MCC: variants seen among roughly 807,000 people sequenced by gnomAD.
MCC encodes the protein MCC regulator of Wnt signaling pathway.
A neutral mutation model predicts 116.2 loss-of-function variants in MCC; 90 were observed. That is an observed-to-expected ratio of 0.77 (90% confidence interval 0.65 to 0.92). MCC has a LOEUF of 0.92. Among genes scored for constraint, MCC ranks in the 40% least tolerant of loss-of-function variants. The probability of loss-of-function intolerance (pLI) is 0.00; values close to 1 mark genes in which losing one functional copy is unlikely to be tolerated. For missense variants in MCC, 1,516 were observed against 1,312.2 expected, an observed-to-expected ratio of 1.16 and a Z score of -2.40; for synonymous variants, 578 against 510.5, an observed-to-expected ratio of 1.13 and a Z score of -1.78.
chr5:113,188,298 A>G (rs1761999432), intron 3 of MCC, among the ~76,000 whole-genome samples: 1 of 152,176 alleles, frequency 6.6e-6, no homozygotes, highest in Non-Finnish European at 1.5e-5. Flanking sequence ...GTCAAACTAA[A>G]TTCTTCTCAT....
intron 2 of MCC, among the ~76,000 whole-genome samples, chr5:113,374,669 A>G (rs1239674379): frequency 6.6e-6 from 1 of 152,062 alleles, no homozygotes; most frequent in Non-Finnish European, 1.5e-5. Context: ...TTTTCCTCCA[A>G]ATAGTCAACT....
At chr5:113,312,343 A>G (rs990232003) in intron 3 of MCC, among the ~76,000 whole-genome samples, 1 of 152,174 alleles carries the variant, frequency 6.6e-6, no homozygotes, top group African/African-American at 2.4e-5. Flanking sequence ...ATATGAATAC[A>G]TATAACAGAG....
intron 2 of MCC, among the ~76,000 whole-genome samples, chr5:113,365,156 C>T (rs1015877376): frequency 2.0e-5 from 3 of 152,224 alleles, no homozygotes; most frequent in Non-Finnish European, 4.4e-5. Context: ...CACCCTCCTT[C>T]CTTTTTAAAT....
chr5:113,114,979 C>T (rs1234599698), intron 6 of MCC, among the ~76,000 whole-genome samples: 1 of 147,984 alleles, frequency 6.8e-6, no homozygotes, highest in Non-Finnish European at 1.5e-5. Context: ...AGAGCAACTG[C>T]CTCACATGAA....
intron 1 of MCC, among the ~76,000 whole-genome samples, chr5:113,473,999 G>T (rs964061874): frequency 6.6e-6 from 1 of 152,218 alleles, no homozygotes; most frequent in African/African-American, 2.4e-5. Context: ...TACACGACCA[G>T]TTAGTAGCAG....
intron 3 of MCC, among the ~76,000 whole-genome samples, chr5:113,216,877 G>A (rs182499906): frequency 1.3e-5 from 2 of 152,328 alleles, no homozygotes; most frequent in East Asian, 1.9e-4. Context: ...GCAAAACGAA[G>A]ACAATGAAAT....
chr5:113,269,067 T>C (rs1765518157), intron 3 of MCC: 4 of 638,374 alleles, frequency 6.3e-6, no homozygotes, highest in South Asian at 6.9e-5. Flanking sequence ...CACAAACAGA[T>C]GGGTGGGTGA....
At chr5:113,388,762 T>A (rs922530332) in intron 1 of MCC, among the ~76,000 whole-genome samples, 2 of 152,208 alleles carry the variant, frequency 1.3e-5, no homozygotes, top group Non-Finnish European at 2.9e-5. Flanking sequence ...CTCAGGTGTT[T>A]CTTTACAGCC....
rs762641205 is a variant in MCC at position 113,043,561 on chromosome 5, GCTCATT to G, written c.2719_2724del (p.Asn907_Glu908del). ...ATGGCGTTGGTGAACTCCGCAGCCA[GCTCATT>G]CTCGCTGCACGTTGTCCTGAGTTCG... On this transcript the variant is annotated inframe_deletion, in exon 17 of 19. Coordinates refer to ENST00000408903, the MANE Select transcript of MCC (RefSeq NM_001085377.2). 6.2e-7 allele frequency: 1 copy of G among 1,614,140 alleles called. No homozygotes were observed. Among genetic ancestry groups the G allele is most frequent in the South Asian group, 1.1e-5 (1 of 91,058 alleles).
At chr5:113,113,248 A>C (rs1328340580) in intron 6 of MCC, among the ~76,000 whole-genome samples, 1 of 152,248 alleles carries the variant, frequency 6.6e-6, no homozygotes, top group African/African-American at 2.4e-5. Flanking sequence ...GTAATAGTTC[A>C]GATCTCGTTG....
At chr5:113,364,136 C>T (rs967852958) in intron 2 of MCC, among the ~76,000 whole-genome samples, 1 of 148,646 alleles carries the variant, frequency 6.7e-6, no homozygotes, top group African/African-American at 2.5e-5. Flanking sequence ...GAGGCTGAAG[C>T]AGGAGAACTG....
At chr5:113,396,476 C>CAAAAA (rs10632667) in intron 1 of MCC, among the ~76,000 whole-genome samples, 15 of 144,006 alleles carry the variant, frequency 1.0e-4, no homozygotes, top group African/African-American at 3.1e-4. Flanking sequence ...ACTAACAATA[C>CAAAAA]AAAAAAAAAA....
At chr5:113,386,850 G>A (rs1354563715) in intron 1 of MCC, among the ~76,000 whole-genome samples, 1 of 151,180 alleles carries the variant, frequency 6.6e-6, no homozygotes, top group Non-Finnish European at 1.5e-5. Flanking sequence ...ATGAGGATAG[G>A]AATAAATATA....
chr5:113,036,012 CTTTTTTTTTTTTTTTTTTTTTTTTTT>C (rs771378295), intron 17 of MCC, among the ~76,000 whole-genome samples: 13 of 62,942 alleles, frequency 2.1e-4, no homozygotes, highest in South Asian at 8.9e-4. Flanking sequence ...GGATGAGGAA[CTTTTTTTTTTTTTTTTTTTTTTTTTT>C]TTTTTTTTTT....
chr5:113,342,319 T>C (rs1448922703), intron 2 of MCC, among the ~76,000 whole-genome samples: 2 of 152,242 alleles, frequency 1.3e-5, no homozygotes, highest in African/African-American at 4.8e-5. Context: ...AAGTATCTTT[T>C]TCATATAATG....
chr5:113,096,982 G>A (rs1005096010), intron 8 of MCC, among the ~76,000 whole-genome samples: 4 of 152,074 alleles, frequency 2.6e-5, no homozygotes, highest in East Asian at 1.9e-4. Context: ...TGAGAGGAGC[G>A]GTGTTGAGAC....
At chr5:113,029,536 A>G (rs999375886) in intron 17 of MCC, among the ~76,000 whole-genome samples, 1 of 152,028 alleles carries the variant, frequency 6.6e-6, no homozygotes, top group Non-Finnish European at 1.5e-5. Context: ...AAACCAAAAA[A>G]TTGGTAGAGG....
chr5:113,189,142 A>G (rs1762035031), intron 3 of MCC, among the ~76,000 whole-genome samples: 1 of 152,156 alleles, frequency 6.6e-6, no homozygotes. Context: ...CGTGTTCACA[A>G]AATAATCCAA....
chr5:113,213,354 G>A (rs1351541181), intron 3 of MCC, among the ~76,000 whole-genome samples: 1 of 152,216 alleles, frequency 6.6e-6, no homozygotes, highest in East Asian at 1.9e-4. Context: ...AGTTACAAGT[G>A]CCATGCAGGC....
Sources: allele counts gnomAD v4.1 joint callset (sites outside exome capture counted in the v4.1 genomes callset), GRCh38; gene constraint gnomAD v4.1.1; transcripts MANE v1.5; gene names NCBI Gene and HGNC (gene_info 2026-07-23, HGNC 2026-07-21).